ZNF277: variants seen among roughly 807,000 people sequenced by gnomAD.
ZNF277 encodes nuclear receptor-interacting factor 4.
In ZNF277, 55 loss-of-function variants were observed where a neutral mutation model predicts 60.7. The observed-to-expected ratio is 0.91, with a 90% confidence interval of 0.73 to 1.13. ZNF277 has a LOEUF of 1.13. Among genes scored for constraint, ZNF277 ranks in the 50% most tolerant of loss-of-function variants. The pLI is 0.00. For synonymous variants in ZNF277, 178 were observed against 179.3 expected (o/e 0.99, Z 0.06); for missense variants, 510 against 523.0 (o/e 0.98, Z 0.24).
Position 112,337,756 on chromosome 7 carries a change from C to A in ZNF277, c.896C>A (p.Pro299His). The A allele has an allele frequency of 6.2e-7, 1 of 1,612,478 alleles. No homozygotes were observed. The highest frequency in any genetic ancestry group is 1.1e-5 in the South Asian group (1 of 91,028). ...EDDWSDWEEH[P>H]ASAVCLFCEK... is the part of the protein sequence containing the mutation. ...GACTGGTCTGATTGGGAAGAACACC[C>A]TGCCTCTGCAGTCTGCTTATTTTGT... The change falls in exon 9 of 12, where the codon CCT becomes CAT. Residue 299 changes from proline to histidine, a missense_variant. Pro to His is a moderately conservative substitution (Grantham distance 77). Coordinates refer to ENST00000361822, the MANE Select transcript of ZNF277 (RefSeq NM_021994.3).
intron 4 of ZNF277, among the ~76,000 whole-genome samples, chr7:112,310,543 T>A (rs1202925385): frequency 1.3e-5 from 2 of 151,738 alleles, no homozygotes; most frequent in African/African-American, 4.9e-5. Context: ...CTTTTTTCTT[T>A]CTTCTTTTAC....
At chr7:112,251,825 G>C (rs1281968543) in intron 1 of ZNF277, among the ~76,000 whole-genome samples, 2 of 152,176 alleles carry the variant, frequency 1.3e-5, no homozygotes, top group Non-Finnish European at 2.9e-5. Flanking sequence ...TCATTTTATA[G>C]ATCTATGAAA....
chr7:112,336,049 C>A (rs1793323925), intron 7 of ZNF277, 55 bp from the exon 8 acceptor site: 2 of 1,460,652 alleles, frequency 1.4e-6, no homozygotes, highest in Non-Finnish European at 1.9e-6. Context: ...GTTCTACATA[C>A]TCTCTCCCTT....
intron 1 of ZNF277, among the ~76,000 whole-genome samples, chr7:112,263,848 A>C (rs1000576975): frequency 3.3e-5 from 5 of 152,148 alleles, no homozygotes; most frequent in South Asian, 2.1e-4. Context: ...CCCCTGAGAA[A>C]TGTGCATATA....
chr7:112,312,549 C>G (rs1178759792), intron 4 of ZNF277, among the ~76,000 whole-genome samples: 2 of 151,976 alleles, frequency 1.3e-5, no homozygotes, highest in Admixed American at 1.3e-4. Context: ...GTATCTGCAA[C>G]TTATTTTCAA....
At chr7:112,230,733 C>A (rs1319038482) in intron 1 of ZNF277, among the ~76,000 whole-genome samples, 2 of 152,138 alleles carry the variant, frequency 1.3e-5, no homozygotes, top group Non-Finnish European at 2.9e-5. Context: ...CAGCTCATAG[C>A]TTTTCCATAA....
chr7:112,268,535 A>G lies in ZNF277; in HGVS notation c.92-18338A>G, dbSNP rs547264590. Among the ~76,000 whole-genome samples, 76 of 152,264 alleles carry G rather than the reference A, an allele frequency of 5.0e-4. No homozygotes were observed. In the Middle Eastern group the frequency reaches 0.01, roughly 20 times the overall value. On this transcript the variant is annotated intron_variant, in intron 1 of 11. Coordinates refer to ENST00000361822, the MANE Select transcript of ZNF277 (RefSeq NM_021994.3). ...GGTAAACACTAGATCATTAGCCCAC[A>G]TAGGATCATTTGGTAAACACTAGAA...
At chr7:112,326,742 G>C (rs568344787) in intron 5 of ZNF277, among the ~76,000 whole-genome samples, 2 of 151,322 alleles carry the variant, frequency 1.3e-5, no homozygotes, top group East Asian at 3.9e-4. Flanking sequence ...CATTTTTTTG[G>C]GGGGGGACCA....
At position 112,340,170 on chromosome 7, in the gene ZNF277, A is replaced by G. The variant is rs1305215532; in HGVS notation, c.1009+285A>G. Among the ~76,000 whole-genome samples the G allele has an allele frequency of 2.6e-5, 4 of 152,368 alleles. No individual in the cohort carries two copies. The East Asian group carries it at 5.8e-4, about 22-fold the overall frequency. ...AATATATCATAAATTGGAGGGGGCTAGTGGAATATGGATTTTTAAGTCAAA... is the reference window on the plus strand; with the variant it reads ...AATATATCATAAATTGGAGGGGGCTGGTGGAATATGGATTTTTAAGTCAAA... On this transcript the variant is annotated intron_variant, in intron 10 of 11. Transcript: ENST00000361822.
chr7:112,309,218 T>G (rs887213722), intron 4 of ZNF277, among the ~76,000 whole-genome samples: 2 of 151,904 alleles, frequency 1.3e-5, no homozygotes, highest in African/African-American at 4.8e-5. Context: ...AAATGTCTCC[T>G]CCTGATGATC....
intron 1 of ZNF277, among the ~76,000 whole-genome samples, chr7:112,258,931 G>A (rs2117020971): frequency 6.6e-6 from 1 of 150,596 alleles, no homozygotes; most frequent in East Asian, 2.0e-4. Flanking sequence ...CCCTTTCCAT[G>A]TTAGCAAATT....
At chr7:112,216,056 AATG>A (rs1361898437) in intron 1 of ZNF277, among the ~76,000 whole-genome samples, 6 of 152,206 alleles carry the variant, frequency 3.9e-5, no homozygotes, top group African/African-American at 1.4e-4. Flanking sequence ...AATTTTCTCA[AATG>A]AAGGAGGAGA....
At chr7:112,278,994 G>A (rs1443850160) in intron 1 of ZNF277, among the ~76,000 whole-genome samples, 1 of 151,958 alleles carries the variant, frequency 6.6e-6, no homozygotes. Flanking sequence ...CGTGTAGTTC[G>A]TTTTCCTTCT....
rs898392906 is a variant in ZNF277, at chr7:112,228,158, G to A, written c.91+21351G>A. ...CAGTCTCTGCCTCCATCTTCACATG[G>A]CCTCCTTTCCTGCATCTCTTTGTCT... On this transcript the variant is annotated intron_variant, in intron 1 of 11. Transcript: ENST00000361822. Among the ~76,000 whole-genome samples, 23 of 151,948 alleles carry A rather than the reference G, an allele frequency of 1.5e-4. No homozygotes were observed. In the South Asian group the frequency reaches 4.6e-3, roughly 30 times the overall value.
intron 1 of ZNF277, among the ~76,000 whole-genome samples, chr7:112,216,060 AAGG>A (rs888798860): frequency 6.6e-6 from 1 of 152,208 alleles, no homozygotes; most frequent in Non-Finnish European, 1.5e-5. Context: ...TTCTCAAATG[AAGG>A]AGGAGAAGGG....
At chr7:112,327,001 G>T (rs1793111075) in intron 5 of ZNF277, among the ~76,000 whole-genome samples, 1 of 152,102 alleles carries the variant, frequency 6.6e-6, no homozygotes, top group Non-Finnish European at 1.5e-5. Context: ...GGTTATCACA[G>T]CCCTTGCATT....
chr7:112,340,848 G>A (rs1317254937), intron 10 of ZNF277, 24 bp from the exon 11 acceptor site: 2 of 1,603,316 alleles, frequency 1.2e-6, no homozygotes, highest in Non-Finnish European at 1.7e-6. Context: ...GTTGTCTAAT[G>A]ATTCTGTATT....
intron 8 of ZNF277, 117 bp from the exon 9 acceptor site, chr7:112,337,613 G>C (rs1793358136): frequency 5.5e-6 from 4 of 729,090 alleles, no homozygotes; most frequent in East Asian, 2.7e-5. Flanking sequence ...CAAAATGTCA[G>C]AGTTGAAAGA....
At position 112,260,806 on chromosome 7, in the gene ZNF277, C is replaced by A. The variant is rs369723038; in HGVS notation, c.92-26067C>A. On this transcript the variant is annotated intron_variant, in intron 1 of 11. Transcript: ENST00000361822. ...CAGGTGATAGAAATAGTTGGGCCTA[C>A]TCTAGTGTCTCTGCTACCTTTTCTG... 2.6e-5 allele frequency among the ~76,000 whole-genome samples: 4 copies of A among 152,308 alleles called. No individual in the cohort carries two copies. The South Asian group carries it at 6.2e-4, about 24-fold the overall frequency.
Sources: gnomAD v4.1 joint callset for allele counts (sites outside exome capture counted in the v4.1 genomes callset) on GRCh38, gnomAD v4.1.1 for gene constraint, MANE v1.5 for transcripts, NCBI Gene and HGNC (gene_info 2026-07-23, HGNC 2026-07-21) for gene names.